MYRIP: variants seen among roughly 807,000 people sequenced by gnomAD.
MYRIP encodes the protein rab effector MyRIP.
In MYRIP, 49 loss-of-function variants were observed where a neutral mutation model predicts 98.0. The ratio of observed to expected loss-of-function variants is 0.50; its 90% CI spans 0.40 to 0.63. The LOEUF is 0.63. Ranked by LOEUF, MYRIP falls within the 30% of genes least tolerant of loss-of-function variation. The pLI, the probability that MYRIP is intolerant of heterozygous loss-of-function variation, is 0.00. For missense variants in MYRIP, 1,004 were observed against 1,058.2 expected (o/e 0.95, Z 0.71); for synonymous variants, 404 against 409.5 (o/e 0.99, Z 0.16).
chr3:39,952,418 G>A (rs1945041957), intron 2 of MYRIP, among the ~76,000 whole-genome samples: 1 of 152,042 alleles, frequency 6.6e-6, no homozygotes. Flanking sequence ...TGCTTTTTCT[G>A]TATCTATTAA....
At chr3:40,098,972 CTT>C (rs1266120625) in intron 3 of MYRIP, among the ~76,000 whole-genome samples, 1 of 151,980 alleles carries the variant, frequency 6.6e-6, no homozygotes, top group African/African-American at 2.4e-5. Context: ...GTCAAGATCT[CTT>C]GTTTGTTTCA....
At chr3:39,890,471 T>C (rs534521835) in intron 1 of MYRIP, among the ~76,000 whole-genome samples, 1 of 152,082 alleles carries the variant, frequency 6.6e-6, no homozygotes, top group African/African-American at 2.4e-5. Context: ...TAATGAGAGA[T>C]CTTCTCCTGT....
intron 3 of MYRIP, among the ~76,000 whole-genome samples, chr3:40,143,088 A>C (rs572535934): frequency 4.6e-5 from 7 of 152,016 alleles, no homozygotes; most frequent in African/African-American, 1.7e-4. Flanking sequence ...CTCATCTAGC[A>C]CTCTTTGAAC....
intron 3 of MYRIP, among the ~76,000 whole-genome samples, chr3:40,118,326 A>C (rs1306191252): frequency 6.6e-6 from 1 of 152,238 alleles, no homozygotes; most frequent in Non-Finnish European, 1.5e-5. Flanking sequence ...TGTATCTTTC[A>C]ACCTTGCTAT....
intron 11 of MYRIP, among the ~76,000 whole-genome samples, chr3:40,229,898 A>G (rs1952601135): frequency 6.6e-6 from 1 of 152,194 alleles, no homozygotes. Flanking sequence ...TCAAAGTTCA[A>G]CACATGCTAC....
intron 2 of MYRIP, among the ~76,000 whole-genome samples, chr3:40,033,688 A>G (rs1181133813): frequency 6.6e-6 from 1 of 152,216 alleles, no homozygotes; most frequent in Non-Finnish European, 1.5e-5. Context: ...TCAAGCTACC[A>G]ATGACTTTCT....
chr3:40,134,999 G>A lies in MYRIP; in HGVS notation c.333-16049G>A, dbSNP rs201767044. ...ACCTCTCCTCCTCCAAAGGAACGCAGCTCCTCACCAGCAACGGAACAAAGC... is the reference window on the plus strand; with the variant it reads ...ACCTCTCCTCCTCCAAAGGAACGCAACTCCTCACCAGCAACGGAACAAAGC... On this transcript the variant is annotated intron_variant, in intron 3 of 16. Coordinates refer to ENST00000302541, the MANE Select transcript of MYRIP (RefSeq NM_015460.4). Among the ~76,000 whole-genome samples the A allele has an allele frequency of 7.0e-4, 106 of 152,290 alleles. 1 individual carries two copies. The East Asian group carries it at 0.018, about 26-fold the overall frequency.
chr3:40,144,979 C>G (rs750189799), intron 3 of MYRIP, among the ~76,000 whole-genome samples: 17 of 152,186 alleles, frequency 1.1e-4, no homozygotes, highest in Non-Finnish European at 2.2e-4. Flanking sequence ...GAGGACTCAT[C>G]ATTTTAGAGC....
At chr3:40,185,185 G>T (rs567931362) in intron 9 of MYRIP, among the ~76,000 whole-genome samples, 1 of 152,316 alleles carries the variant, frequency 6.6e-6, no homozygotes. Context: ...GTTGATTCAG[G>T]AGCCTGTTCG....
At chr3:40,196,160 T>A (rs1458077217) in intron 10 of MYRIP, among the ~76,000 whole-genome samples, 7 of 152,042 alleles carry the variant, frequency 4.6e-5, no homozygotes, top group Non-Finnish European at 8.8e-5. Flanking sequence ...ACCAGTCTTT[T>A]TTTTTACTGG....
intron 1 of MYRIP, among the ~76,000 whole-genome samples, chr3:39,879,112 A>G (rs930412639): frequency 1.3e-5 from 2 of 151,746 alleles, no homozygotes; most frequent in Admixed American, 1.3e-4. Flanking sequence ...GTATATAGAT[A>G]TATATGTAGA....
At chr3:40,075,918 G>A (rs1948333402) in intron 3 of MYRIP, among the ~76,000 whole-genome samples, 1 of 152,146 alleles carries the variant, frequency 6.6e-6, no homozygotes, top group South Asian at 2.1e-4. Flanking sequence ...AAACCCCAAA[G>A]GCTGGGCATG....
chr3:39,845,647 T>A (rs972305360), intron 1 of MYRIP, among the ~76,000 whole-genome samples: 28 of 152,118 alleles, frequency 1.8e-4, no homozygotes, highest in Non-Finnish European at 3.2e-4. Flanking sequence ...AATAGTCTGC[T>A]TTCCAATAAA....
rs1182541341 is a variant in MYRIP, at chr3:40,190,056, A to T, written c.1258A>T (p.Asn420Tyr). ...LCPRSRALPR[N>Y]PQPQPTQAQS... ...TCCCAGGTCCCGGGCCCTGCCCAGGAACCCCCAGCCTCAGCCCACACAGGC... is the reference window on the plus strand; with the variant it reads ...TCCCAGGTCCCGGGCCCTGCCCAGGTACCCCCAGCCTCAGCCCACACAGGC... The change falls in exon 10 of 17, where the codon AAC (asparagine) becomes TAC (tyrosine). Residue 420 changes from asparagine to tyrosine, a missense_variant. Coordinates refer to ENST00000302541, the MANE Select transcript of MYRIP (RefSeq NM_015460.4). The T allele has an allele frequency of 6.2e-7, 1 of 1,613,972 alleles. No homozygotes were observed. Among genetic ancestry groups the T allele is most frequent in the Admixed American group, 1.7e-5 (1 of 59,994 alleles).
chr3:39,853,420 TA>T (rs1180875592), intron 1 of MYRIP, among the ~76,000 whole-genome samples: 2 of 152,142 alleles, frequency 1.3e-5, no homozygotes, highest in Non-Finnish European at 1.5e-5. Flanking sequence ...CAGCATCTAT[TA>T]TTTTTTTTAT....
chr3:39,848,062 G>A (rs1942023162), intron 1 of MYRIP, among the ~76,000 whole-genome samples: 1 of 152,176 alleles, frequency 6.6e-6, no homozygotes, highest in Non-Finnish European at 1.5e-5. Context: ...CATGCTGGTG[G>A]GGTTAGGAGT....
chr3:39,867,850 A>G (rs1942670763), intron 1 of MYRIP, among the ~76,000 whole-genome samples: 1 of 152,212 alleles, frequency 6.6e-6, no homozygotes, highest in South Asian at 2.1e-4. Flanking sequence ...CTGCACCTCC[A>G]TGTTCATTGC....
At chr3:40,021,317 G>T (rs1261708021) in intron 2 of MYRIP, among the ~76,000 whole-genome samples, 1 of 152,178 alleles carries the variant, frequency 6.6e-6, no homozygotes, top group Admixed American at 6.5e-5. Flanking sequence ...AGCAGCTAGA[G>T]GGCATCACCA....
At chr3:40,093,736 C>T (rs1360994607) in intron 3 of MYRIP, among the ~76,000 whole-genome samples, 2 of 152,206 alleles carry the variant, frequency 1.3e-5, no homozygotes, top group African/African-American at 2.4e-5. Context: ...TTACTTCTCT[C>T]CCAGTGTCTG....
Sources: gnomAD v4.1 joint callset for allele counts (sites outside exome capture counted in the v4.1 genomes callset) on GRCh38, gnomAD v4.1.1 for gene constraint, MANE v1.5 for transcripts, NCBI Gene and HGNC (gene_info 2026-07-23, HGNC 2026-07-21) for gene names.